Variants in LAMA5 observed in about 807,000 individuals in gnomAD.
LAMA5 encodes laminin subunit alpha-5.
Under a neutral mutation model 433.4 loss-of-function variants are expected in LAMA5, and 260 were observed. That is an observed-to-expected ratio of 0.60 (90% CI 0.54 to 0.66). The LOEUF (loss-of-function observed/expected upper bound fraction) is 0.66. Ranked by LOEUF, LAMA5 falls within the 30% of genes least tolerant of loss-of-function variation. LAMA5 has a pLI of 0.00. For missense variants in LAMA5, 5,378 were observed against 5,258.5 expected (o/e 1.02, Z -0.70); for synonymous variants, 2,620 against 2,226.6 (o/e 1.18, Z -4.97).
At position 62,322,219 on chromosome 20, in the gene LAMA5, AC is replaced by A. The variant is rs146047074; in HGVS notation, c.6346+49del. 6.4e-3 allele frequency: 10,062 copies of A among 1,561,264 alleles called. 520 individuals carry two copies. The African/African-American group carries it at 0.11, about 18-fold the overall frequency. On this transcript the variant is annotated intron_variant, in intron 47 of 79. Transcript: ENST00000252999. Reference sequence around the variant, plus strand: ...TGGCTGGCCTGGGACCTTGGAGCGTACCCCACTCAGAAGTCCCCATCCGCCC... The same window carrying A: ...TGGCTGGCCTGGGACCTTGGAGCGTACCCACTCAGAAGTCCCCATCCGCCC...
intron 28 of LAMA5, among the ~76,000 whole-genome samples, chr20:62,331,784 G>A (rs1211896837): frequency 6.6e-6 from 1 of 152,244 alleles, no homozygotes; most frequent in African/African-American, 2.4e-5. Flanking sequence ...AGGTATGGTG[G>A]CTCCTGTCTG....
chr20:62,338,023 G>A lies in LAMA5; in HGVS notation c.1884C>T (p.Asn628=), dbSNP rs1404117409. 1 of 1,598,148 alleles carries A rather than the reference G, an allele frequency of 6.3e-7. No homozygotes were observed. Among genetic ancestry groups the A allele is most frequent in the Admixed American group, 1.7e-5 (1 of 59,056 alleles). The part of the protein sequence containing the change: ...RCRPGYHGFP[N]CQACTCDPRG... The stretch of plus-strand genomic sequence containing the variant: ...CCCTGACCCTCTGCTCACCTTGGCA[G>A]TTGGGGAAACCATGGTAGCCAGGGC... Residue 628 remains asparagine, a synonymous_variant, in exon 14 of 80, where the codon AAC becomes AAT. Transcript: ENST00000252999.
Position 62,338,457 on chromosome 20 carries a change from AG to A in LAMA5, c.1618+10del. ...GCGCAGGTAGAGGTTGAGCGGGGAG[AG>A]GGGACTCACGCTGGCAGCCGGGGCC... On this transcript the variant is annotated intron_variant, in intron 12 of 79. Transcript: ENST00000252999. 2 of 1,607,930 alleles carry A rather than the reference AG, an allele frequency of 1.2e-6. No individual in the cohort carries two copies. Among genetic ancestry groups the A allele is most frequent in the South Asian group, 2.2e-5 (2 of 90,046 alleles).
Position 62,338,606 on chromosome 20 carries a change from A to G in LAMA5, c.1480T>C (p.Cys494Arg), listed in dbSNP as rs1237693985. The G allele has an allele frequency of 6.2e-7, 1 of 1,608,774 alleles. No individual in the cohort carries two copies. The highest frequency in any genetic ancestry group is 1.7e-5 in the Admixed American group (1 of 59,632). Reference protein sequence around the residue: ...QVLPAGQIVNCDCSAAGTQGN... With the variant: ...QVLPAGQIVNRDCSAAGTQGN... ...TGGGTCCCTGCCGCGCTGCAGTCAC[A>G]ATCTGGAGGGTGGGGACAGGCAGGG... The change falls in exon 12 of 80, where the codon TGT becomes CGT. Residue 494 changes from cysteine to arginine, a missense_variant and splice_region_variant. By Grantham distance (180) the Cys-to-Arg change is radical. Coordinates refer to ENST00000252999, the MANE Select transcript of LAMA5 (RefSeq NM_005560.6).
At chr20:62,318,783 C>T (rs1987332215) in intron 52 of LAMA5, 60 bp downstream of exon 52, 7 of 1,589,872 alleles carry the variant, frequency 4.4e-6, no homozygotes, top group Non-Finnish European at 6.0e-6. Context: ...TGACCTCCCC[C>T]TTGGAGCTCC....
chr20:62,345,925 G>A, intron 10 of LAMA5, 48 bp from the exon 11 acceptor site: 2 of 1,555,844 alleles, frequency 1.3e-6, no homozygotes, highest in Non-Finnish European at 1.7e-6. Context: ...CAGAACCCTA[G>A]CACCCTACAC....
chr20:62,342,630 G>A (rs558653356), intron 11 of LAMA5, among the ~76,000 whole-genome samples: 14 of 152,170 alleles, frequency 9.2e-5, no homozygotes, highest in Middle Eastern at 3.4e-3. Flanking sequence ...AGTGAGCCGA[G>A]ATCGTGCCAC....
rs774883104 is a variant in LAMA5, at chr20:62,329,275, C to T, written c.4120-22G>A. ...AATCCTAGGGGGTGAGGCCTGGTCA[C>T]TCTCCCGCGGGCCCAGAGCCTGCAG... On this transcript the variant is annotated intron_variant, in intron 32 of 79. Coordinates refer to ENST00000252999, the MANE Select transcript of LAMA5 (RefSeq NM_005560.6). The T allele has an allele frequency of 7.0e-6, 11 of 1,570,734 alleles. No homozygotes were observed. The Admixed American group carries it at 1.9e-4, about 27-fold the overall frequency.
At chr20:62,323,312 C>T in intron 45 of LAMA5, 144 bp downstream of exon 45, 1 of 713,624 alleles carries the variant, frequency 1.4e-6, no homozygotes, top group Non-Finnish European at 2.3e-6. Flanking sequence ...AAGGGTTGAC[C>T]ATGAACCCAG....
chr20:62,335,815 C>T (rs1284679654), intron 18 of LAMA5, among the ~76,000 whole-genome samples: 2 of 52,838 alleles, frequency 3.8e-5, no homozygotes, highest in Non-Finnish European at 7.6e-5. Context: ...TGCACCCCAA[C>T]ATTCCCTCCA....
rs201208398 is a variant in LAMA5, at chr20:62,320,721, G to A, written c.6648+18C>T. 6.2e-7 allele frequency: 1 copy of A among 1,612,536 alleles called. No individual in the cohort carries two copies. Among genetic ancestry groups the A allele is most frequent in the East Asian group, 2.2e-5 (1 of 44,886 alleles). On this transcript the variant is annotated intron_variant, in intron 49 of 79. Transcript: ENST00000252999. ...GCACTGGCCCGGGTTGGGGAGGGAAGGCCAGGACGCTCAGTACCTGCAGGT... is the reference window on the plus strand; with the variant it reads ...GCACTGGCCCGGGTTGGGGAGGGAAAGCCAGGACGCTCAGTACCTGCAGGT...
rs145691059 is a variant in LAMA5, at chr20:62,347,951, G to T, written c.957-923C>A. ...GGGAGGGCCATACCCTCAATGAGAG[G>T]AATTGGGAAATAAACTGCCCGTCAG... On this transcript the variant is annotated intron_variant, in intron 6 of 79. Coordinates refer to ENST00000252999, the MANE Select transcript of LAMA5 (RefSeq NM_005560.6). Among the ~76,000 whole-genome samples, 459 of 152,296 alleles carry T rather than the reference G, an allele frequency of 3.0e-3. 1 individual carries two copies. Among genetic ancestry groups the T allele is most frequent in the Non-Finnish European group, 4.9e-3 (331 of 68,030 alleles).
chr20:62,358,441 C>T (rs913251707), intron 2 of LAMA5, among the ~76,000 whole-genome samples: 8 of 152,206 alleles, frequency 5.3e-5, no homozygotes, highest in African/African-American at 1.7e-4. Flanking sequence ...CTGTCCTTCC[C>T]TGGACAACCC....
At position 62,333,564 on chromosome 20, in the gene LAMA5, C is replaced by G; in HGVS notation, c.3021G>C (p.Leu1007=). The G allele has an allele frequency of 1.3e-6, 2 of 1,565,798 alleles. No homozygotes were observed. Among genetic ancestry groups the G allele is most frequent in the Non-Finnish European group, 1.7e-6 (2 of 1,155,398 alleles). ...ALRVEAEGVL[L]DYVVLLPSAY... is the part of the protein sequence containing the mutation. ...GCCCTCACTCTGGCCCCTGCCTCAC[C>G]AGGAGCACCCCTTCGGCCTCCACAC... The change falls in exon 24 of 80, where the codon CTG becomes CTC. Residue 1007 remains leucine (L), a splice_region_variant and synonymous_variant. Transcript: ENST00000252999.
chr20:62,349,151 G>A (rs1485298889), intron 6 of LAMA5, among the ~76,000 whole-genome samples: 1 of 151,672 alleles, frequency 6.6e-6, no homozygotes, highest in East Asian at 1.9e-4. Flanking sequence ...GGTGCCTGTA[G>A]TCCCAGCTAC....
At chr20:62,340,539 G>A (rs1206354825) in intron 11 of LAMA5, among the ~76,000 whole-genome samples, 10 of 150,758 alleles carry the variant, frequency 6.6e-5, no homozygotes, top group Non-Finnish European at 1.5e-4. Flanking sequence ...TCGAACTCCC[G>A]ACCTCAGGTG....
intron 62 of LAMA5, 86 bp downstream of exon 62, chr20:62,314,218 G>GT (rs1986681942): frequency 6.7e-7 from 1 of 1,495,456 alleles, no homozygotes; most frequent in Non-Finnish European, 9.1e-7. Context: ...GTGAAGGGTG[G>GT]TGGGTGCACA....
Position 62,324,781 on chromosome 20 carries a change from C to A in LAMA5, c.5530-227G>T, listed in dbSNP as rs977798158. On this transcript the variant is annotated intron_variant, in intron 41 of 79. Coordinates refer to ENST00000252999, the MANE Select transcript of LAMA5 (RefSeq NM_005560.6). The surrounding 1 kb of genome is among the most constrained non-coding windows in gnomAD (Gnocchi z 4.4). ...TGAGGACATAGCTCTCAAAGCCACA[C>A]GGATGTCCTGTCTCGGGAATGACCA... 5 of 548,564 alleles carry A rather than the reference C, an allele frequency of 9.1e-6. No homozygotes were observed. The South Asian group carries it at 1.0e-4, about 11-fold the overall frequency. The allele number at this position is 548,564 out of a possible 1,614,324, so 34.0% of individuals were successfully genotyped here.
In LAMA5 at chr20:62,311,676, G is replaced by T; in HGVS notation, c.9744C>A (p.Gly3248=). 1 of 1,591,886 alleles carries T rather than the reference G, an allele frequency of 6.3e-7. No individual in the cohort carries two copies. The highest frequency in any genetic ancestry group is 1.8e-5 in the Admixed American group (1 of 56,248). ...TGTAAATGGTGCCAGACTCAGGCAG[G>T]CCTCCCAGGAGGAGCCTCGGGGGCC... ...PEGPPRLLLG[G]LPESGTIYNF... is the part of the protein sequence containing the mutation. Residue 3248 remains glycine, a synonymous_variant, in exon 71 of 80, where the codon GGC becomes GGA. Transcript: ENST00000252999.
Sources: gnomAD v4.1 joint callset for allele counts (sites outside exome capture counted in the v4.1 genomes callset) on GRCh38, gnomAD v4.1.1 for gene constraint, Gnocchi (gnomAD v3.1) non-coding constraint, MANE v1.5 for transcripts, NCBI Gene and HGNC (gene_info 2026-07-23, HGNC 2026-07-21) for gene names.